The following ADGRB3 variants were observed in gnomAD, a reference collection of about 807,000 sequenced individuals.
ADGRB3 encodes adhesion G protein-coupled receptor B3.
ADGRB3 carries 37 observed loss-of-function variants against 193.4 expected under a neutral mutation model. The ratio of observed to expected loss-of-function variants is 0.19; its 90% CI spans 0.15 to 0.25. The LOEUF (loss-of-function observed/expected upper bound fraction) is 0.25, where lower values mean the gene tolerates loss of function less well. Ranked by LOEUF, ADGRB3 falls within the 10% of genes least tolerant of loss-of-function variation. The probability of loss-of-function intolerance (pLI) is 1.00; values close to 1 mark genes in which losing one functional copy is unlikely to be tolerated. For synonymous variants in ADGRB3, 690 were observed against 644.2 expected, an observed-to-expected ratio of 1.07 and a Z score of -1.08; for missense variants, 1,637 against 1,852.9, an observed-to-expected ratio of 0.88 and a Z score of 2.14.
At chr6:69,230,727 G>A (rs1766116085) in intron 17 of ADGRB3, among the ~76,000 whole-genome samples, 1 of 152,210 alleles carries the variant, frequency 6.6e-6, no homozygotes. Context: ...TGGGAGTGAT[G>A]AAATGCAGAA....
At chr6:69,096,149 G>A (rs1287329888) in intron 17 of ADGRB3, among the ~76,000 whole-genome samples, 1 of 152,076 alleles carries the variant, frequency 6.6e-6, no homozygotes, top group Non-Finnish European at 1.5e-5. Context: ...GACAAGGTCT[G>A]GAAGTCCCTT....
intron 11 of ADGRB3, among the ~76,000 whole-genome samples, chr6:69,009,861 A>G (rs1313447435): frequency 2.0e-5 from 3 of 152,138 alleles, no homozygotes; most frequent in Non-Finnish European, 4.4e-5. Flanking sequence ...CCTAATCTAC[A>G]ACTCTATTTC....
intron 17 of ADGRB3, among the ~76,000 whole-genome samples, chr6:69,168,077 A>T (rs1047993492): frequency 1.2e-4 from 18 of 152,168 alleles, no homozygotes; most frequent in African/African-American, 3.9e-4. Context: ...TCTTATTAGA[A>T]ATTAAGTTTT....
At chr6:69,297,340 A>ATCTCTCTC (rs386407481) in intron 20 of ADGRB3, among the ~76,000 whole-genome samples, 283 of 111,906 alleles carry the variant, frequency 2.5e-3, no homozygotes, top group East Asian at 8.6e-3. Flanking sequence ...TTCTACTGAT[A>ATCTCTCTC]TCTCTCTCTC....
chr6:69,297,921 G>A (rs1360814020), intron 20 of ADGRB3, among the ~76,000 whole-genome samples: 1 of 151,902 alleles, frequency 6.6e-6, no homozygotes, highest in African/African-American at 2.4e-5. Flanking sequence ...CAGAGCTGAT[G>A]GTTTGAAATC....
At chr6:69,034,018 T>C (rs2150294935) in intron 13 of ADGRB3, among the ~76,000 whole-genome samples, 1 of 152,182 alleles carries the variant, frequency 6.6e-6, no homozygotes, top group South Asian at 2.1e-4. Flanking sequence ...AAAACCTGAC[T>C]CATTGAATTT....
chr6:68,888,862 C>T (rs1765989254), intron 3 of ADGRB3, among the ~76,000 whole-genome samples: 1 of 152,090 alleles, frequency 6.6e-6, no homozygotes, highest in South Asian at 2.1e-4. Flanking sequence ...TGTGCTTGGT[C>T]CTCAGCATGT....
At chr6:68,662,942 T>C (rs1768703012) in intron 3 of ADGRB3, among the ~76,000 whole-genome samples, 1 of 150,728 alleles carries the variant, frequency 6.6e-6, no homozygotes, top group African/African-American at 2.4e-5. Context: ...ATATATAGTA[T>C]AAGTTTTTTT....
At chr6:69,284,336 T>A (rs1419015663) in intron 20 of ADGRB3, among the ~76,000 whole-genome samples, 1 of 152,180 alleles carries the variant, frequency 6.6e-6, no homozygotes, top group Non-Finnish European at 1.5e-5. Flanking sequence ...AGGCTTCCTC[T>A]TGAATCCATC....
intron 11 of ADGRB3, among the ~76,000 whole-genome samples, chr6:69,013,343 G>C (rs1057008608): frequency 6.6e-6 from 1 of 152,078 alleles, no homozygotes; most frequent in Non-Finnish European, 1.5e-5. Context: ...CGAAGATAAA[G>C]CCAATAGGTC....
At chr6:68,696,320 C>T (rs1244449394) in intron 3 of ADGRB3, among the ~76,000 whole-genome samples, 2 of 151,418 alleles carry the variant, frequency 1.3e-5, no homozygotes, top group Non-Finnish European at 2.9e-5. Flanking sequence ...ATTAAAGATA[C>T]AAAGGCCTAT....
intron 10 of ADGRB3, among the ~76,000 whole-genome samples, chr6:68,976,414 A>G (rs570352313): frequency 2.0e-5 from 3 of 152,220 alleles, no homozygotes; most frequent in East Asian, 3.9e-4. Flanking sequence ...ATATATACTT[A>G]TGTATATCTA....
At chr6:68,753,184 A>G (rs1002504463) in intron 3 of ADGRB3, among the ~76,000 whole-genome samples, 2 of 152,192 alleles carry the variant, frequency 1.3e-5, no homozygotes, top group Non-Finnish European at 2.9e-5. Flanking sequence ...CAGAATTCAT[A>G]CACAAGAATA....
intron 3 of ADGRB3, among the ~76,000 whole-genome samples, chr6:68,685,412 T>C (rs1480976476): frequency 6.6e-6 from 1 of 151,902 alleles, no homozygotes; most frequent in East Asian, 1.9e-4. Context: ...AAGTTCAGTA[T>C]ATGAGGTGGA....
chr6:69,316,620 AT>A (rs1768318795), intron 20 of ADGRB3, among the ~76,000 whole-genome samples: 1 of 151,530 alleles, frequency 6.6e-6, no homozygotes, highest in Admixed American at 6.6e-5. Context: ...AAGTGAAAAT[AT>A]TGAGGTCCAA....
chr6:68,890,295 A>G (rs1420296776), intron 3 of ADGRB3, among the ~76,000 whole-genome samples: 1 of 152,192 alleles, frequency 6.6e-6, no homozygotes, highest in Non-Finnish European at 1.5e-5. Flanking sequence ...CATGATGTTC[A>G]ATTTAAATCC....
chr6:69,274,179 A>C (rs1767241147), intron 20 of ADGRB3, among the ~76,000 whole-genome samples: 1 of 152,340 alleles, frequency 6.6e-6, no homozygotes, highest in Non-Finnish European at 1.5e-5. Context: ...TACACTTTAA[A>C]ATTTCTGAGA....
intron 3 of ADGRB3, among the ~76,000 whole-genome samples, chr6:68,806,676 A>G (rs1194962978): frequency 1.3e-5 from 2 of 151,768 alleles, no homozygotes; most frequent in East Asian, 3.9e-4. Context: ...ATGTGACCGT[A>G]TAACACATAA....
At chr6:68,875,662 C>T (rs1278073235) in intron 3 of ADGRB3, among the ~76,000 whole-genome samples, 1 of 151,902 alleles carries the variant, frequency 6.6e-6, no homozygotes, top group African/African-American at 2.4e-5. Flanking sequence ...GAACGGTAAC[C>T]AGGCCTTGTA....
Sources: gnomAD v4.1 joint callset for allele counts (sites outside exome capture counted in the v4.1 genomes callset) on GRCh38, gnomAD v4.1.1 for gene constraint, MANE v1.5 for transcripts, NCBI Gene and HGNC (gene_info 2026-07-23, HGNC 2026-07-21) for gene names.